Variants in AMOT observed in about 807,000 individuals in gnomAD.
The protein encoded by AMOT is angiomotin.
In AMOT, 11 loss-of-function variants were observed where a neutral mutation model predicts 67.0. The ratio of observed to expected loss-of-function variants is 0.16; its 90% confidence interval spans 0.10 to 0.27. The LOEUF (loss-of-function observed/expected upper bound fraction) is 0.27. Ranked by LOEUF, AMOT falls within the 10% of genes least tolerant of loss-of-function variation. AMOT has a pLI of 1.00. For synonymous variants in AMOT, 326 were observed against 321.4 expected, an observed-to-expected ratio of 1.01 and a Z score of -0.15; for missense variants, 753 against 852.0, an observed-to-expected ratio of 0.88 and a Z score of 1.45.
In AMOT at chrX:112,838,418, G is replaced by A. The variant is rs770071076; in HGVS notation, c.-289+2034C>T. On this transcript the variant is annotated intron_variant, in intron 1 of 13. Transcript: ENST00000371959. ...GCCCTGGGAGAGGGCTCTTGGGAGA[G>A]GCACAGAAGCAGATGTACCCACTTA... Among the ~76,000 whole-genome samples the A allele has an allele frequency of 5.4e-5, 6 of 112,087 alleles. No homozygotes were observed. The East Asian group carries it at 1.7e-3, about 31-fold the overall frequency.
At chrX:112,826,294 A>T (rs933759255) in intron 2 of AMOT, among the ~76,000 whole-genome samples, 1 of 112,411 alleles carries the variant, frequency 8.9e-6, no homozygotes, top group African/African-American at 3.2e-5. Flanking sequence ...GTACACAAAC[A>T]TCTCTGTATT....
chrX:112,791,250 G>A (rs1009602224), intron 9 of AMOT, among the ~76,000 whole-genome samples: 4 of 109,822 alleles, frequency 3.6e-5, no homozygotes, highest in African/African-American at 9.9e-5. Context: ...TTAGCTGGGC[G>A]TGGTGGTGCA....
At position 112,779,413 on chromosome X, in the gene AMOT, G is replaced by C. The variant is rs1031793581; in HGVS notation, c.2741C>G (p.Ala914Gly). 4.9e-5 allele frequency: 54 copies of C among 1,108,027 alleles called. No individual in the cohort carries two copies. The highest frequency in any genetic ancestry group is 6.5e-5 in the Non-Finnish European group (53 of 816,940). 91.3% of individuals were successfully genotyped at this position (1,108,027 alleles called of 1,213,427 possible). A position where few individuals can be genotyped will look rare whatever the true frequency, so the allele number is the denominator to read the frequency against. Residue 914 changes from alanine (A) to glycine (G), a missense_variant, in exon 13 of 14, where the codon GCT becomes GGT. Transcript: ENST00000371959. ...TTTMVAAAPV[A>G]VAAAAAPAAA... The stretch of plus-strand genomic sequence containing the variant: ...AGCTGGAGCAGCAGCAGCAGCAACA[G>C]CAACTGGAGCAGCAGCTACCATGGT...
At chrX:112,804,916 C>CCCCGCGCCA in intron 8 of AMOT, 31 bp downstream of exon 8, 1 of 1,190,660 alleles carries the variant, frequency 8.4e-7, no homozygotes, top group Non-Finnish European at 1.1e-6. Flanking sequence ...CTCCCACCCC[C>CCCCGCGCCA]AGGCTCATAT....
rs751629447 is a variant in AMOT, at chrX:112,823,088, C to T, written c.39G>A (p.Thr13=). The change falls in exon 4 of 14, where the codon ACG becomes ACA. Residue 13 remains threonine, a synonymous_variant. Coordinates refer to ENST00000371959, the MANE Select transcript of AMOT (RefSeq NM_001113490.2). ...GCTCTTGTAGCAAACGCTGCAATACCGTGGTCCCTCCACTTGGCTGTTCTT... is the reference window on the plus strand; with the variant it reads ...GCTCTTGTAGCAAACGCTGCAATACTGTGGTCCCTCCACTTGGCTGTTCTT... ...NSEEQPSGGT[T]VLQRLLQEQL... The T allele has an allele frequency of 1.1e-4, 133 of 1,162,616 alleles. No homozygotes were observed. In the South Asian group the frequency reaches 2.4e-3, roughly 21 times the overall value.
rs773569511 is a variant in AMOT at position 112,776,683 on chromosome X, T to C, written c.*1884A>G. The stretch of plus-strand genomic sequence containing the variant: ...AGATACCCAATCTCCTAGAAAGAAG[T>C]GGGATTGGTTTCTCAGGGGGACATT... On this transcript the variant is annotated 3_prime_UTR_variant, in exon 14 of 14. Transcript: ENST00000371959. The C allele has an allele frequency of 1.3e-3, 147 of 111,194 alleles. 1 individual carries two copies. The highest frequency in any genetic ancestry group is 4.6e-3 in the African/African-American group (140 of 30,467). 9.2% of individuals were successfully genotyped at this position (111,194 alleles called of 1,213,427 possible).
At chrX:112,832,937 C>T (rs1403912936) in intron 1 of AMOT, among the ~76,000 whole-genome samples, 1 of 111,838 alleles carries the variant, frequency 8.9e-6, no homozygotes, top group Non-Finnish European at 1.9e-5. Flanking sequence ...CAGAAGGCAG[C>T]CCCTCCTCCT....
intron 13 of AMOT, 33 bp from the exon 14 acceptor site, chrX:112,778,697 G>A: frequency 8.9e-7 from 1 of 1,122,592 alleles, no homozygotes; most frequent in Non-Finnish European, 1.2e-6. Flanking sequence ...AAACACTTAG[G>A]GATGAAGAAA....
chrX:112,784,030 C>T (rs749751697), intron 10 of AMOT, among the ~76,000 whole-genome samples: 23 of 111,608 alleles, frequency 2.1e-4, no homozygotes, highest in Middle Eastern at 4.6e-3. Context: ...CCAAAATATA[C>T]GTGTACCTTA....
In AMOT at chrX:112,778,338, TAGAGCA is replaced by T; in HGVS notation, c.*223_*228del. The T allele has an allele frequency of 3.4e-6, 1 of 292,798 alleles. No individual in the cohort carries two copies. The allele number at this position is 292,798 out of a possible 1,213,427, so 24.1% of individuals were successfully genotyped here. A position where few individuals can be genotyped will look rare whatever the true frequency, so the allele number is the denominator to read the frequency against. ...TCGTATAAATTCAAACAATAAGCTT[TAGAGCA>T]CATTCTGATTAATCTGTCTTTAGAG... is the stretch of plus-strand genomic sequence containing the variant. On this transcript the variant is annotated 3_prime_UTR_variant, in exon 14 of 14. Coordinates refer to ENST00000371959, the MANE Select transcript of AMOT (RefSeq NM_001113490.2).
chrX:112,781,015 T>G lies in AMOT; in HGVS notation c.2344A>C (p.Met782Leu). The G allele has an allele frequency of 8.3e-7, 1 of 1,212,109 alleles. No homozygotes were observed. The highest frequency in any genetic ancestry group is 1.1e-6 in the Non-Finnish European group (1 of 895,583). ...GACATCAGAGACTTCGCTGGCCGCA[T>G]GCACGACAGCTGCTCTGTCTTGCTC... ...EPSKTEQLSCMRPAKSLMSIS... is the reference protein window; with the variant it reads ...EPSKTEQLSCLRPAKSLMSIS... The change falls in exon 12 of 14, where the codon ATG (methionine) becomes CTG (leucine). Residue 782 changes from methionine (M) to leucine (L), a missense_variant. Around this residue, in one of 5 missense-constraint regions of AMOT, gnomAD observed 269 missense variants for 300.9 expected, o/e 0.89. Coordinates refer to ENST00000371959, the MANE Select transcript of AMOT (RefSeq NM_001113490.2).
At chrX:112,782,843 A>C (rs760548391) in intron 10 of AMOT, among the ~76,000 whole-genome samples, 181 bp from the exon 11 acceptor site, 1 of 112,231 alleles carries the variant, frequency 8.9e-6, no homozygotes, top group Non-Finnish European at 1.9e-5. Context: ...TTCAGCGTTC[A>C]GGGTAGAAGG....
intron 1 of AMOT, among the ~76,000 whole-genome samples, chrX:112,837,054 T>C (rs148308408): frequency 1.8e-5 from 2 of 111,466 alleles, no homozygotes; most frequent in Non-Finnish European, 3.8e-5. Context: ...TCTGGATCCC[T>C]GGGTTAGTCA....
chrX:112,832,174 T>C (rs1453661354), intron 2 of AMOT, 120 bp downstream of exon 2: 1 of 111,542 alleles, frequency 9.0e-6, no homozygotes, highest in African/African-American at 3.3e-5. Context: ...GTACATAAAA[T>C]GTGCTTAATA....
At chrX:112,809,053 T>C (rs927857864) in intron 7 of AMOT, among the ~76,000 whole-genome samples, 3 of 111,340 alleles carry the variant, frequency 2.7e-5, no homozygotes, top group Non-Finnish European at 3.8e-5. Flanking sequence ...CTAGCAAAGA[T>C]GGAAGAGAAT....
chrX:112,811,087 T>C (rs187691907), intron 6 of AMOT, among the ~76,000 whole-genome samples, 162 bp downstream of exon 6: 13 of 111,896 alleles, frequency 1.2e-4, no homozygotes, highest in East Asian at 5.7e-4. Flanking sequence ...CTGAGGACTA[T>C]TGCAGTCACA....
intron 1 of AMOT, among the ~76,000 whole-genome samples, chrX:112,838,463 G>A (rs2147839808): frequency 9.0e-6 from 1 of 111,673 alleles, no homozygotes; most frequent in South Asian, 3.8e-4. Flanking sequence ...CACTCAATGG[G>A]ACCTCAAGGT....
rs1439690628 is a variant in AMOT at position 112,777,231 on chromosome X, C to G, written c.*1336G>C. 9.0e-6 allele frequency: 1 copy of G among 111,036 alleles called. No individual in the cohort carries two copies. The highest frequency in any genetic ancestry group is 3.3e-5 in the African/African-American group (1 of 30,474). 9.2% of individuals were successfully genotyped at this position (111,036 alleles called of 1,213,427 possible). A position where few individuals can be genotyped will look rare whatever the true frequency, so the allele number is the denominator to read the frequency against. ...ATTTCTCACCTTAATGAAGGGCAGACAGGTGACACAGGGCAGGGACCTGTG... is the reference window on the plus strand; with the variant it reads ...ATTTCTCACCTTAATGAAGGGCAGAGAGGTGACACAGGGCAGGGACCTGTG... On this transcript the variant is annotated 3_prime_UTR_variant, in exon 14 of 14. Coordinates refer to ENST00000371959, the MANE Select transcript of AMOT (RefSeq NM_001113490.2).
chrX:112,818,188 C>T (rs138244254), intron 4 of AMOT, among the ~76,000 whole-genome samples: 9 of 111,112 alleles, frequency 8.1e-5, no homozygotes, highest in African/African-American at 2.3e-4. Context: ...AAAGACTGAA[C>T]GCCCAGTTCT....
Sources: gnomAD v4.1 joint callset for allele counts (sites outside exome capture counted in the v4.1 genomes callset) on GRCh38, gnomAD v4.1.1 for gene constraint, gnomAD v4.1.1 regional missense constraint, MANE v1.5 for transcripts, NCBI Gene and HGNC (gene_info 2026-07-23, HGNC 2026-07-21) for gene names.